The following ZFAT variants were observed in gnomAD, a reference collection of about 807,000 sequenced individuals.
ZFAT encodes the protein zinc finger protein ZFAT.
In ZFAT, 64 loss-of-function variants were observed where a neutral mutation model predicts 117.7. The observed-to-expected ratio is 0.54, with a 90% CI of 0.44 to 0.67. The LOEUF (loss-of-function observed/expected upper bound fraction) is 0.67. Among genes scored for constraint, ZFAT ranks in the 30% least tolerant of loss-of-function variants. The pLI, the probability that ZFAT is intolerant of heterozygous loss-of-function variation, is 0.00. For missense variants in ZFAT, 1,433 were observed against 1,584.5 expected, an observed-to-expected ratio of 0.90 and a Z score of 1.62; for synonymous variants, 679 against 615.0, an observed-to-expected ratio of 1.10 and a Z score of -1.54.
At chr8:134,747,676 G>T in the ZFAT span, among the ~76,000 whole-genome samples, 10 of 152,230 alleles carry the variant, frequency 6.6e-5, no homozygotes, top group South Asian at 1.7e-3. Context: ...GGTAAATCAT[G>T]GCCTTCAGGT....
At chr8:134,703,435 ATG>A (rs1834068544) in intron 1 of ZFAT, among the ~76,000 whole-genome samples, 1 of 152,244 alleles carries the variant, frequency 6.6e-6, no homozygotes, top group African/African-American at 2.4e-5. Flanking sequence ...CATAGAGGAT[ATG>A]TGAGTAGTGC....
rs117535208 is a variant in ZFAT at position 134,593,201 on chromosome 8, G to C, written c.2476-2846C>G. ...CAGAAGGGCTTTGCAGGAGTTTACG[G>C]TGATCTCCCCTGAGCCTCTGCTATT... On this transcript the variant is annotated intron_variant, in intron 7 of 15. Coordinates refer to ENST00000377838, the MANE Select transcript of ZFAT (RefSeq NM_020863.4). 2.6e-5 allele frequency among the ~76,000 whole-genome samples: 4 copies of C among 152,310 alleles called. No homozygotes were observed. In the East Asian group the frequency reaches 7.7e-4, roughly 29 times the overall value.
chr8:134,624,275 A>T (rs1829344417), intron 3 of ZFAT, among the ~76,000 whole-genome samples: 1 of 152,146 alleles, frequency 6.6e-6, no homozygotes, highest in Non-Finnish European at 1.5e-5. Context: ...CCCATTTGAT[A>T]CAAAATCTCT....
intron 2 of ZFAT, among the ~76,000 whole-genome samples, chr8:134,650,930 G>A (rs528741824): frequency 6.6e-6 from 1 of 152,308 alleles, no homozygotes; most frequent in Admixed American, 6.5e-5. Flanking sequence ...AGACTTAAAT[G>A]CTTAACATCA....
intron 13 of ZFAT, among the ~76,000 whole-genome samples, chr8:134,517,432 C>T (rs2130440483): frequency 6.6e-6 from 1 of 152,220 alleles, no homozygotes; most frequent in South Asian, 2.1e-4. Context: ...AACTGCTTTA[C>T]TTTGAAAATA....
At chr8:134,664,505 C>A (rs530470013) in intron 1 of ZFAT, among the ~76,000 whole-genome samples, 1 of 152,232 alleles carries the variant, frequency 6.6e-6, no homozygotes, top group Non-Finnish European at 1.5e-5. Flanking sequence ...TTCCAAAAGC[C>A]CAGAGCAGAG....
chr8:134,642,298 T>C (rs1217387991), intron 2 of ZFAT, among the ~76,000 whole-genome samples: 1 of 152,212 alleles, frequency 6.6e-6, no homozygotes, highest in Non-Finnish European at 1.5e-5. Flanking sequence ...ATCTGTGCTG[T>C]GCAGAGAATG....
At chr8:134,781,399 T>C in the ZFAT span, among the ~76,000 whole-genome samples, 86,686 of 151,952 alleles carry the variant, frequency 0.57, 25,156 homozygotes, top group African/African-American at 0.66. Context: ...ACCACTTTTA[T>C]CTTAACTTAC....
chr8:134,694,631 T>C (rs1329468765), intron 1 of ZFAT, among the ~76,000 whole-genome samples: 1 of 152,130 alleles, frequency 6.6e-6, no homozygotes, highest in Non-Finnish European at 1.5e-5. Flanking sequence ...CCTAGTTCAT[T>C]TGCCTCTCCT....
At chr8:134,680,281 A>G (rs1191501319) in intron 1 of ZFAT, among the ~76,000 whole-genome samples, 2 of 151,032 alleles carry the variant, frequency 1.3e-5, no homozygotes, top group Non-Finnish European at 3.0e-5. Flanking sequence ...AAAAAAAAAA[A>G]GAATTTGAAG....
the ZFAT span, among the ~76,000 whole-genome samples, chr8:134,763,739 T>C: frequency 6.6e-6 from 1 of 152,160 alleles, no homozygotes; most frequent in Non-Finnish European, 1.5e-5. Flanking sequence ...GAATGAATGG[T>C]CTTTGCCGCA....
At chr8:134,814,421 C>A in the ZFAT span, among the ~76,000 whole-genome samples, 1 of 152,170 alleles carries the variant, frequency 6.6e-6, no homozygotes, top group Non-Finnish European at 1.5e-5. Flanking sequence ...AACCAGGTTT[C>A]TATTTAAAAT....
At chr8:134,525,546 A>G (rs997323242) in intron 12 of ZFAT, among the ~76,000 whole-genome samples, 1 of 152,208 alleles carries the variant, frequency 6.6e-6, no homozygotes, top group African/African-American at 2.4e-5. Context: ...TCCCAGATGC[A>G]GTTTTGATGC....
At chr8:134,581,385 C>T (rs751012282) in intron 10 of ZFAT, among the ~76,000 whole-genome samples, 1 of 152,168 alleles carries the variant, frequency 6.6e-6, no homozygotes, top group African/African-American at 2.4e-5. Context: ...CTATTTCCAT[C>T]CCTTTTGCTC....
chr8:134,610,432 A>AGGGTCTT, intron 4 of ZFAT, 38 bp downstream of exon 4: 1 of 1,587,400 alleles, frequency 6.3e-7, no homozygotes, highest in South Asian at 1.2e-5. Context: ...AGACTTGCCA[A>AGGGTCTT]GGGTCTTGCC....
chr8:134,592,217 C>G (rs1826562209), intron 7 of ZFAT, among the ~76,000 whole-genome samples: 1 of 152,152 alleles, frequency 6.6e-6, no homozygotes, highest in African/African-American at 2.4e-5. Flanking sequence ...GAATGCTCTC[C>G]TCACTGTGCT....
At chr8:134,627,740 T>C (rs1829611893) in intron 3 of ZFAT, among the ~76,000 whole-genome samples, 2 of 152,254 alleles carry the variant, frequency 1.3e-5, no homozygotes, top group East Asian at 3.8e-4. Flanking sequence ...AGATATTCAC[T>C]GAGCACTTGC....
In ZFAT at chr8:134,500,931, T is replaced by C. The variant is rs78241854; in HGVS notation, c.3492+8688A>G. Among the ~76,000 whole-genome samples the C allele has an allele frequency of 2.2e-4, 34 of 152,322 alleles. No individual in the cohort carries two copies. The East Asian group carries it at 4.8e-3, about 22-fold the overall frequency. Reference sequence around the variant, plus strand: ...CCTGCATGTATAATTAGGAGTTTCATACAATTAAAGTTGGCAGAGGCCCGG... The same window carrying C: ...CCTGCATGTATAATTAGGAGTTTCACACAATTAAAGTTGGCAGAGGCCCGG... On this transcript the variant is annotated intron_variant, in intron 15 of 15. Coordinates refer to ENST00000377838, the MANE Select transcript of ZFAT (RefSeq NM_020863.4).
chr8:134,701,796 A>G (rs1343688277), intron 1 of ZFAT, among the ~76,000 whole-genome samples: 1 of 152,190 alleles, frequency 6.6e-6, no homozygotes. Context: ...CAATTTGTTT[A>G]GCTATTCACC....
Sources: allele counts gnomAD v4.1 joint callset (sites outside exome capture counted in the v4.1 genomes callset), GRCh38; gene constraint gnomAD v4.1.1; transcripts MANE v1.5; gene names NCBI Gene and HGNC (gene_info 2026-07-23, HGNC 2026-07-21).